NUMA1: variants seen among roughly 807,000 people sequenced by gnomAD.
NUMA1 encodes nuclear mitotic apparatus protein 1.
NUMA1 carries 62 observed loss-of-function variants against 237.1 expected under a neutral mutation model. The ratio of observed to expected loss-of-function variants is 0.26; its 90% CI spans 0.21 to 0.32. The LOEUF (loss-of-function observed/expected upper bound fraction) is 0.32. Among genes scored for constraint, NUMA1 ranks in the 10% least tolerant of loss-of-function variants. NUMA1 has a pLI of 1.00. For missense variants in NUMA1, 2,533 were observed against 2,666.5 expected, an observed-to-expected ratio of 0.95 and a Z score of 1.10; for synonymous variants, 1,028 against 1,066.1, an observed-to-expected ratio of 0.96 and a Z score of 0.70.
intron 16 of NUMA1, among the ~76,000 whole-genome samples, chr11:72,011,780 C>T (rs1023458557): frequency 6.6e-6 from 1 of 152,062 alleles, no homozygotes; most frequent in Non-Finnish European, 1.5e-5. Context: ...GGCAGCCAGA[C>T]CATGTGACCC....
In NUMA1 at chr11:72,048,108, T is replaced by A. The variant is rs184793614; in HGVS notation, c.-32-12133A>T. On this transcript the variant is annotated intron_variant, in intron 2 of 26. Transcript: ENST00000393695. The stretch of plus-strand genomic sequence containing the variant: ...CCCTATATTATTCTTTTTTGTTTTT[T>A]TCTTTCAAGATGGAGTCTCGCTCTG... 3.7e-3 allele frequency among the ~76,000 whole-genome samples: 569 copies of A among 152,304 alleles called. 4 individuals are homozygous for A. Among genetic ancestry groups the A allele is most frequent in the African/African-American group, 0.013 (550 of 41,564 alleles).
At chr11:72,072,284 G>A (rs1460444633) in intron 1 of NUMA1, 1 of 154,710 alleles carries the variant, frequency 6.5e-6, no homozygotes, top group Admixed American at 6.5e-5. Context: ...AGGTCACATT[G>A]CATCCACCTT....
In NUMA1 at chr11:72,003,144, G is replaced by A. The variant is rs943028377; in HGVS notation, c.*383C>T. 2 of 289,774 alleles carry A rather than the reference G, an allele frequency of 6.9e-6. No homozygotes were observed. Among genetic ancestry groups the A allele is most frequent in the African/African-American group, 4.3e-5 (2 of 46,988 alleles). 18.0% of individuals were successfully genotyped at this position (289,774 alleles called of 1,614,324 possible). A position where few individuals can be genotyped will look rare whatever the true frequency, so the allele number is the denominator to read the frequency against. On this transcript the variant is annotated 3_prime_UTR_variant, in exon 27 of 27. Transcript: ENST00000393695. ...CCTGCTGGGCCCAGCCACCAGGACA[G>A]CAGGAACCAGGGCCTACTCCTCTTA...
chr11:72,004,535 AG>A, intron 24 of NUMA1, 104 bp downstream of exon 24: 1 of 1,297,898 alleles, frequency 7.7e-7, no homozygotes, highest in Admixed American at 2.2e-5. Flanking sequence ...AGGGAAAGAG[AG>A]GGGGAAGTGA....
chr11:72,041,503 CA>C (rs1260012243), intron 2 of NUMA1: 1 of 152,240 alleles, frequency 6.6e-6, no homozygotes, highest in Non-Finnish European at 1.5e-5. Flanking sequence ...TTTAAGGCAG[CA>C]GTAATAATCT....
At chr11:72,034,300 A>G (rs1416253568) in intron 3 of NUMA1, among the ~76,000 whole-genome samples, 1 of 152,110 alleles carries the variant, frequency 6.6e-6, no homozygotes, top group Non-Finnish European at 1.5e-5. Flanking sequence ...TGCACACTAT[A>G]TGTATCTCAT....
intron 4 of NUMA1, among the ~76,000 whole-genome samples, chr11:72,026,532 C>G (rs1013305646): frequency 3.3e-5 from 5 of 152,266 alleles, no homozygotes; most frequent in African/African-American, 1.2e-4. Context: ...TTAGACTATT[C>G]ACGCACAGAA....
At chr11:72,009,579 G>C (rs1956005332) in intron 17 of NUMA1, among the ~76,000 whole-genome samples, 192 bp from the exon 18 acceptor site, 1 of 152,242 alleles carries the variant, frequency 6.6e-6, no homozygotes, top group African/African-American at 2.4e-5. Flanking sequence ...ATGCCCTTCA[G>C]TCCACATCCG....
At chr11:72,007,535 G>A in intron 20 of NUMA1, 100 bp from the exon 21 acceptor site, 3 of 1,437,898 alleles carry the variant, frequency 2.1e-6, no homozygotes, top group Non-Finnish European at 2.8e-6. Context: ...ACTACAAGCA[G>A]ATGAGGTCAA....
chr11:72,012,326 G>T, intron 16 of NUMA1, 75 bp downstream of exon 16: 1 of 1,433,280 alleles, frequency 7.0e-7, no homozygotes, highest in Non-Finnish European at 9.8e-7. Context: ...GCGGAGGCAA[G>T]CTGCAGCCGG....
chr11:72,036,786 G>A (rs538130244), intron 2 of NUMA1, among the ~76,000 whole-genome samples: 1 of 152,076 alleles, frequency 6.6e-6, no homozygotes, highest in Non-Finnish European at 1.5e-5. Flanking sequence ...TTGAGATTCT[G>A]CCACCTGCCT....
intron 2 of NUMA1, chr11:72,040,701 G>A (rs2135848877): frequency 6.6e-6 from 1 of 152,288 alleles, no homozygotes; most frequent in South Asian, 2.1e-4. Flanking sequence ...ACAAAAACAT[G>A]CTGACATCTA....
chr11:72,028,346 T>C (rs1453748080), intron 4 of NUMA1, among the ~76,000 whole-genome samples: 6 of 150,338 alleles, frequency 4.0e-5, no homozygotes, highest in Non-Finnish European at 8.8e-5. Context: ...TTCAGAGATA[T>C]GAGTCCCTGA....
intron 2 of NUMA1, among the ~76,000 whole-genome samples, chr11:72,046,956 T>C (rs900294764): frequency 6.6e-6 from 1 of 151,392 alleles, no homozygotes; most frequent in African/African-American, 2.4e-5. Flanking sequence ...TGGGACTCCA[T>C]TGCAAAAAAA....
At chr11:72,052,495 C>T (rs971258195) in intron 2 of NUMA1, among the ~76,000 whole-genome samples, 4 of 152,086 alleles carry the variant, frequency 2.6e-5, no homozygotes, top group South Asian at 2.1e-4. Flanking sequence ...AGGCCAGGGG[C>T]GGTGGCTCAC....
In NUMA1 at chr11:72,014,438, A is replaced by G; in HGVS notation, c.3065T>C (p.Leu1022Pro). 2 of 1,606,502 alleles carry G rather than the reference A, an allele frequency of 1.2e-6. No individual in the cohort carries two copies. The highest frequency in any genetic ancestry group is 1.3e-5 in the African/African-American group (1 of 74,976). The stretch of plus-strand genomic sequence containing the variant: ...AAGCTCTGCTCTGGCCGCCTTCTCC[A>G]GGGCAAGGTCAGCCTGGGCACGGCC... ...ERGRAQADLA[L>P]EKAARAELEM... Residue 1022 changes from leucine (L) to proline (P), a missense_variant, in exon 15 of 27, where the codon CTG becomes CCG. Leu to Pro is a moderately conservative substitution (Grantham distance 98). Coordinates refer to ENST00000393695, the MANE Select transcript of NUMA1 (RefSeq NM_006185.4). This position sits in a 1 kb window ranked among gnomAD's most constrained non-coding sequence, Gnocchi z 4.6.
intron 2 of NUMA1, among the ~76,000 whole-genome samples, chr11:72,055,965 T>TAC (rs58350314): frequency 0.018 from 2,643 of 148,164 alleles, 58 homozygotes; most frequent in African/African-American, 0.059. Flanking sequence ...AAAATACACA[T>TAC]ACACACACAC....
intron 9 of NUMA1, 23 bp from the exon 10 acceptor site, chr11:72,019,003 T>C (rs777455478): frequency 1.9e-6 from 3 of 1,612,556 alleles, no homozygotes; most frequent in Admixed American, 1.7e-5. Flanking sequence ...AAGGCCCATA[T>C]GCATTGGTAA....
chr11:72,049,908 T>C (rs1432776746), intron 2 of NUMA1, among the ~76,000 whole-genome samples: 3 of 152,026 alleles, frequency 2.0e-5, no homozygotes, highest in Non-Finnish European at 4.4e-5. Context: ...ACAAATCTTG[T>C]AGTAGAACTT....
Sources: allele counts gnomAD v4.1 joint callset (sites outside exome capture counted in the v4.1 genomes callset), GRCh38; gene constraint gnomAD v4.1.1; non-coding constraint Gnocchi (gnomAD v3.1); transcripts MANE v1.5; gene names NCBI Gene and HGNC (gene_info 2026-07-23, HGNC 2026-07-21).